Variants in RIMS2 observed in about 807,000 individuals in gnomAD.
RIMS2 encodes regulating synaptic membrane exocytosis protein 2.
Under a neutral mutation model 174.4 loss-of-function variants are expected in RIMS2, and 59 were observed. The observed-to-expected ratio is 0.34, with a 90% confidence interval of 0.27 to 0.42. The LOEUF (loss-of-function observed/expected upper bound fraction) is 0.42. Among genes scored for constraint, RIMS2 ranks in the 10% least tolerant of loss-of-function variants. RIMS2 has a pLI of 1.00. For synonymous variants in RIMS2, 606 were observed against 572.5 expected, an observed-to-expected ratio of 1.06 and a Z score of -0.84; for missense variants, 1,620 against 1,666.3, an observed-to-expected ratio of 0.97 and a Z score of 0.48.
intron 19 of RIMS2, among the ~76,000 whole-genome samples, chr8:104,073,254 G>A (rs1185742645): frequency 6.6e-6 from 1 of 152,062 alleles, no homozygotes; most frequent in Non-Finnish European, 1.5e-5. Context: ...TGGATGATTT[G>A]ATAATGCTTA....
At chr8:103,675,895 CA>C (rs1564249171) in intron 1 of RIMS2, among the ~76,000 whole-genome samples, 1 of 152,020 alleles carries the variant, frequency 6.6e-6, no homozygotes, top group Non-Finnish European at 1.5e-5. Flanking sequence ...ATCAGTCTTA[CA>C]AATACCTGTT....
At chr8:104,112,305 CA>C (rs2098199914) in intron 19 of RIMS2, among the ~76,000 whole-genome samples, 2 of 151,990 alleles carry the variant, frequency 1.3e-5, no homozygotes, top group Non-Finnish European at 2.9e-5. Flanking sequence ...ATGATTTTAA[CA>C]AATAATAATG....
intron 3 of RIMS2, among the ~76,000 whole-genome samples, chr8:103,861,359 A>G (rs548759686): frequency 6.6e-6 from 1 of 152,174 alleles, no homozygotes; most frequent in Admixed American, 6.5e-5. Context: ...TATACACCAC[A>G]TTTTCTTTAT....
At chr8:103,597,865 T>C (rs1342953883) in intron 1 of RIMS2, among the ~76,000 whole-genome samples, 1 of 149,746 alleles carries the variant, frequency 6.7e-6, no homozygotes, top group Non-Finnish European at 1.5e-5. Flanking sequence ...TGAATAAAAC[T>C]ATTAATTAAG....
At chr8:103,886,158 C>T in exon 4 of RIMS2, 1 of 1,612,542 alleles carries the variant, frequency 6.2e-7, no homozygotes, top group Non-Finnish European at 8.5e-7. Flanking sequence ...GAGGAATTGG[C>T]TTCCACGCCT....
intron 3 of RIMS2, among the ~76,000 whole-genome samples, chr8:103,780,917 T>A (rs957337178): frequency 2.0e-5 from 3 of 152,316 alleles, no homozygotes; most frequent in Admixed American, 2.0e-4. Flanking sequence ...CCTGTTGATT[T>A]TTTTTTTCTA....
intron 19 of RIMS2, among the ~76,000 whole-genome samples, chr8:104,059,332 T>G (rs1167717516): frequency 2.5e-4 from 37 of 149,850 alleles, no homozygotes; most frequent in African/African-American, 8.1e-4. Flanking sequence ...TTTGAAGCAA[T>G]TGTGAATGGG....
At chr8:103,613,865 GAC>G (rs760162247) in intron 1 of RIMS2, among the ~76,000 whole-genome samples, 13 of 152,342 alleles carry the variant, frequency 8.5e-5, no homozygotes, top group Middle Eastern at 6.8e-3. Flanking sequence ...GGGGCCTCAT[GAC>G]TCTTTTCAGT....
At chr8:103,731,262 T>G (rs1195450869) in intron 2 of RIMS2, among the ~76,000 whole-genome samples, 1 of 152,186 alleles carries the variant, frequency 6.6e-6, no homozygotes, top group Non-Finnish European at 1.5e-5. Flanking sequence ...CTTTCCCACT[T>G]GAAAGATGTC....
At chr8:104,247,572 A>G (rs1185739365) in intron 20 of RIMS2, among the ~76,000 whole-genome samples, 2 of 152,208 alleles carry the variant, frequency 1.3e-5, no homozygotes, top group African/African-American at 2.4e-5. Flanking sequence ...TCAGTCCATA[A>G]CAGAGAGGAA....
chr8:103,908,075 C>T (rs965162609), intron 4 of RIMS2, among the ~76,000 whole-genome samples: 1 of 148,952 alleles, frequency 6.7e-6, no homozygotes, highest in African/African-American at 2.5e-5. Context: ...GACAGTCTCG[C>T]TCTGTCTCCA....
intron 19 of RIMS2, among the ~76,000 whole-genome samples, chr8:104,239,986 T>G (rs1461474404): frequency 1.3e-5 from 2 of 152,194 alleles, no homozygotes; most frequent in African/African-American, 2.4e-5. Context: ...ATTTTCTTGC[T>G]GTCAGCCAGG....
Position 103,856,953 on chromosome 8 carries a change from C to T in RIMS2, c.699-28345C>T, listed in dbSNP as rs368120341. 2.6e-5 allele frequency among the ~76,000 whole-genome samples: 4 copies of T among 152,170 alleles called. No homozygotes were observed. The East Asian group carries it at 5.8e-4, about 22-fold the overall frequency. On this transcript the variant is annotated intron_variant, in intron 3 of 23. Transcript: ENST00000504942. ...TCCCGAGTAGCTGGGACTACAGATGCACAACTCAGTTATCTTTAAAAAGAT... is the reference window on the plus strand; with the variant it reads ...TCCCGAGTAGCTGGGACTACAGATGTACAACTCAGTTATCTTTAAAAAGAT...
At chr8:103,708,194 A>C (rs963586439) in intron 2 of RIMS2, among the ~76,000 whole-genome samples, 1 of 152,164 alleles carries the variant, frequency 6.6e-6, no homozygotes, top group African/African-American at 2.4e-5. Context: ...ACTGAAATTT[A>C]TTCACGGCTC....
intron 19 of RIMS2, among the ~76,000 whole-genome samples, chr8:104,025,022 G>A (rs1294602848): frequency 1.3e-5 from 2 of 152,156 alleles, no homozygotes; most frequent in South Asian, 2.1e-4. Flanking sequence ...CAAGTGGGTG[G>A]AGAAAATCAA....
chr8:104,093,759 G>T lies in RIMS2; in HGVS notation c.3334+79144G>T. On this transcript the variant is annotated intron_variant, in intron 19 of 23. Transcript: ENST00000504942. ...GGTTAATATATATTTTAAAGCCAGG[G>T]GAGCTTAACTTCAGTACATACTACT... The T allele has an allele frequency of 4.1e-6, 3 of 739,186 alleles. No homozygotes were observed. The South Asian group carries it at 6.9e-5, about 17-fold the overall frequency. The allele number at this position is 739,186 out of a possible 1,614,324, so 45.8% of individuals were successfully genotyped here.
At chr8:104,193,979 G>C (rs1314952479) in intron 19 of RIMS2, among the ~76,000 whole-genome samples, 1 of 152,142 alleles carries the variant, frequency 6.6e-6, no homozygotes, top group Non-Finnish European at 1.5e-5. Context: ...AAATCTGGAA[G>C]AATCTAGAAT....
chr8:103,527,704 T>C (rs903928085), intron 1 of RIMS2, among the ~76,000 whole-genome samples: 17 of 152,194 alleles, frequency 1.1e-4, no homozygotes, highest in Non-Finnish European at 2.2e-4. Context: ...TCCATGTCCC[T>C]ACAAAGGACA....
At chr8:104,002,313 C>T (rs1012829968) in intron 17 of RIMS2, among the ~76,000 whole-genome samples, 2 of 151,972 alleles carry the variant, frequency 1.3e-5, no homozygotes, top group Non-Finnish European at 2.9e-5. Context: ...CTTACATATC[C>T]AGAAGTTGAA....
Sources: allele counts gnomAD v4.1 joint callset (sites outside exome capture counted in the v4.1 genomes callset), GRCh38; gene constraint gnomAD v4.1.1; transcripts MANE v1.5; gene names NCBI Gene and HGNC (gene_info 2026-07-23, HGNC 2026-07-21).